ABI2: variants seen among roughly 807,000 people sequenced by gnomAD.
ABI2 encodes the protein abelson interactor 2.
A neutral mutation model predicts 59.2 loss-of-function variants in ABI2; 25 were observed. The ratio of observed to expected loss-of-function variants is 0.42; its 90% CI spans 0.31 to 0.59. The LOEUF is 0.59. Among genes scored for constraint, ABI2 ranks in the 20% least tolerant of loss-of-function variants. ABI2 has a pLI of 0.14. For missense variants in ABI2, 545 were observed against 681.8 expected (o/e 0.80, Z 2.23); for synonymous variants, 213 against 235.5 (o/e 0.90, Z 0.87).
chr2:203,350,329 G>A (rs757918116), intron 1 of ABI2, among the ~76,000 whole-genome samples: 2 of 151,930 alleles, frequency 1.3e-5, no homozygotes, highest in East Asian at 1.9e-4. Flanking sequence ...CTCCCGCCTC[G>A]TGACCAACCA....
At chr2:203,344,361 AT>A (rs199558891) in intron 1 of ABI2, among the ~76,000 whole-genome samples, 9 of 151,284 alleles carry the variant, frequency 5.9e-5, no homozygotes, top group Non-Finnish European at 1.0e-4. Context: ...TAATTTTTAA[AT>A]TTTTTTTTCC....
intron 1 of ABI2, chr2:203,355,351 T>TAAA: frequency 1.1e-5 from 2 of 175,880 alleles, no homozygotes; most frequent in Non-Finnish European, 2.5e-5. Flanking sequence ...AAAAATAAAA[T>TAAA]AAAAAAAAAA....
chr2:203,409,929 A>G (rs997646814), intron 9 of ABI2, among the ~76,000 whole-genome samples: 50 of 152,320 alleles, frequency 3.3e-4, no homozygotes, highest in African/African-American at 1.2e-3. Flanking sequence ...CACCAGGCAT[A>G]TAAGATCCTT....
intron 10 of ABI2, 93 bp from the exon 11 acceptor site, chr2:203,416,815 C>G (rs1209921559): frequency 5.4e-6 from 7 of 1,291,662 alleles, no homozygotes; most frequent in Non-Finnish European, 6.3e-6. Flanking sequence ...ATTTTCAAGT[C>G]TAGGTTTATA....
intron 1 of ABI2, among the ~76,000 whole-genome samples, chr2:203,342,432 C>T (rs1280092018): frequency 3.9e-5 from 6 of 151,978 alleles, no homozygotes; most frequent in African/African-American, 9.7e-5. Context: ...TAGGAACCTA[C>T]GAAACAAAGT....
intron 1 of ABI2, among the ~76,000 whole-genome samples, chr2:203,338,934 G>GTGTATATATATGTATA: frequency 1.9e-4 from 1 of 5,188 alleles, no homozygotes; most frequent in East Asian, 6.0e-3. Context: ...GTGTGTATAT[G>GTGTATATATATGTATA]TATATATATA....
intron 2 of ABI2, chr2:203,374,761 GAC>G: frequency 2.3e-6 from 1 of 425,636 alleles, no homozygotes; most frequent in East Asian, 7.3e-5. Context: ...AAAAAATTGA[GAC>G]ATATTTAAAA....
At chr2:203,337,583 T>G (rs1458724791) in intron 1 of ABI2, among the ~76,000 whole-genome samples, 14 of 152,212 alleles carry the variant, frequency 9.2e-5, no homozygotes. Flanking sequence ...ATCTACAGAT[T>G]TAATGCAATC....
Position 203,394,742 on chromosome 2 carries a change from A to G in ABI2, c.621A>G (p.Pro207=). The change falls in exon 6 of 12, where the codon CCA becomes CCG. Residue 207 remains proline, a synonymous_variant. Coordinates refer to ENST00000261018, the MANE Select transcript of ABI2 (RefSeq NM_001375670.1). The part of the protein sequence containing the change: ...PYRTLEPVRP[P]VVPNDYVPSP... The stretch of plus-strand genomic sequence containing the variant: ...GCACACTGGAGCCAGTGCGTCCTCC[A>G]GTGGTACCAAATGATTACGTACCTA... 5 of 1,614,116 alleles carry G rather than the reference A, an allele frequency of 3.1e-6. No homozygotes were observed. The highest frequency in any genetic ancestry group is 4.2e-6 in the Non-Finnish European group (5 of 1,180,024).
chr2:203,370,186 TTCTCTCTCTCTCTCTCTCTCTCTC>T (rs71007509), intron 2 of ABI2, among the ~76,000 whole-genome samples: 1 of 136,730 alleles, frequency 7.3e-6, no homozygotes, highest in African/African-American at 2.8e-5. Context: ...CATTCTCCTA[TTCTCTCTCTCTCTCTCTCTCTCTC>T]TCTCTCTCTC....
chr2:203,374,875 A>G (rs979029496), intron 2 of ABI2: 5 of 453,410 alleles, frequency 1.1e-5, no homozygotes, highest in African/African-American at 6.0e-5. Context: ...AGTACAGTCA[A>G]CTTTCAATTA....
chr2:203,400,159 C>T lies in ABI2; in HGVS notation c.1034-2417C>T, dbSNP rs538100601. On this transcript the variant is annotated intron_variant, in intron 8 of 11. Coordinates refer to ENST00000261018, the MANE Select transcript of ABI2 (RefSeq NM_001375670.1). ...GGCTGGAATACAGTGGCAATCTCGG[C>T]CCACTGCAATCTCCGCTGCCTGGAT... Among the ~76,000 whole-genome samples the T allele has an allele frequency of 2.1e-5, 3 of 142,720 alleles. No homozygotes were observed. The South Asian group carries it at 7.0e-4, about 33-fold the overall frequency. 93.6% of individuals were successfully genotyped at this position (142,720 alleles called of 152,430 possible). A position where few individuals can be genotyped will look rare whatever the true frequency, so the allele number is the denominator to read the frequency against.
intron 1 of ABI2, among the ~76,000 whole-genome samples, chr2:203,334,462 G>A (rs1181066882): frequency 1.3e-5 from 2 of 152,072 alleles, no homozygotes; most frequent in South Asian, 2.1e-4. Context: ...GTTTCAGGGT[G>A]TGTAAGGTAA....
intron 11 of ABI2, among the ~76,000 whole-genome samples, chr2:203,419,794 G>A (rs1033644808): frequency 1.3e-5 from 2 of 152,038 alleles, no homozygotes; most frequent in African/African-American, 4.8e-5. Flanking sequence ...TTGGAGACCA[G>A]CCTGACCAAC....
chr2:203,386,640 C>CT (rs537240194), intron 4 of ABI2: 23,660 of 121,666 alleles, frequency 0.19, 2,973 homozygotes, highest in Non-Finnish European at 0.25. Context: ...GTAGACATTG[C>CT]TTTTTTTTTT....
Position 203,384,299 on chromosome 2 carries a change from T to G in ABI2, c.480+2093T>G, listed in dbSNP as rs1265367746. Among the ~76,000 whole-genome samples, 1,104 of 126,620 alleles carry G rather than the reference T, an allele frequency of 8.7e-3. 26 individuals carry two copies. The highest frequency in any genetic ancestry group is 0.031 in the African/African-American group (1,045 of 33,412). The allele number at this position is 126,620 out of a possible 152,430, so 83.1% of individuals were successfully genotyped here. A position where few individuals can be genotyped will look rare whatever the true frequency, so the allele number is the denominator to read the frequency against. On this transcript the variant is annotated intron_variant, in intron 4 of 11. Coordinates refer to ENST00000261018, the MANE Select transcript of ABI2 (RefSeq NM_001375670.1). The stretch of plus-strand genomic sequence containing the variant: ...TCTTGTTTTTGTTTTTGTTTTTTTT[T>G]TTTTTTTTTTTTTTTTTTTTTTTTT...
At chr2:203,329,049 T>A (rs560895292) in intron 1 of ABI2, 65 of 158,230 alleles carry the variant, frequency 4.1e-4, no homozygotes, top group Non-Finnish European at 7.5e-4. Context: ...TCTGGATGAT[T>A]TTTAAGGGGT....
At chr2:203,364,091 C>CTTTT (rs75432257) in intron 1 of ABI2, among the ~76,000 whole-genome samples, 1 of 140,484 alleles carries the variant, frequency 7.1e-6, no homozygotes, top group African/African-American at 2.6e-5. Context: ...GTCCATTCAT[C>CTTTT]TTTTTTTTTT....
In ABI2 at chr2:203,394,721, A is replaced by G. The variant is rs747350758; in HGVS notation, c.600A>G (p.Thr200=). 1.9e-6 allele frequency: 3 copies of G among 1,613,942 alleles called. No homozygotes were observed. Among genetic ancestry groups the G allele is most frequent in the East Asian group, 4.5e-5 (2 of 44,892 alleles). ...GTLGRHSPYR[T]LEPVRPPVVP... ...GTAGGCGGCACTCCCCCTATCGCAC[A>G]CTGGAGCCAGTGCGTCCTCCAGTGG... Residue 200 remains threonine (T), a synonymous_variant, in exon 6 of 12, where the codon ACA becomes ACG. Transcript: ENST00000261018.
Sources: gnomAD v4.1 joint callset for allele counts (sites outside exome capture counted in the v4.1 genomes callset) on GRCh38, gnomAD v4.1.1 for gene constraint, MANE v1.5 for transcripts, NCBI Gene and HGNC (gene_info 2026-07-23, HGNC 2026-07-21) for gene names.